The following EIF4G3 variants were observed in gnomAD, a reference collection of about 807,000 sequenced individuals.
The protein encoded by EIF4G3 is eIF-4-gamma 3.
A neutral mutation model predicts 186.4 loss-of-function variants in EIF4G3; 34 were observed. That is an observed-to-expected ratio of 0.18 (90% CI 0.14 to 0.24). The LOEUF (loss-of-function observed/expected upper bound fraction) is 0.24, where lower values mean the gene tolerates loss of function less well. Ranked by LOEUF, EIF4G3 falls within the 10% of genes least tolerant of loss-of-function variation. The pLI is 1.00. For missense variants in EIF4G3, 1,536 were observed against 1,948.5 expected (o/e 0.79, Z 3.99); for synonymous variants, 673 against 679.5 (o/e 0.99, Z 0.15).
At chr1:21,166,843 G>A (rs1334534243) in intron 2 of EIF4G3, among the ~76,000 whole-genome samples, 1 of 152,046 alleles carries the variant, frequency 6.6e-6, no homozygotes, top group Non-Finnish European at 1.5e-5. Context: ...GTGCAGCAGT[G>A]CAATCATGGC....
intron 3 of EIF4G3, among the ~76,000 whole-genome samples, chr1:21,077,794 C>A (rs532693533): frequency 1.8e-3 from 279 of 151,216 alleles, no homozygotes; most frequent in Non-Finnish European, 3.2e-3. Context: ...GCAGGAGAAT[C>A]GCTTGAACCC....
At chr1:20,935,115 A>G (rs2095476654) in intron 14 of EIF4G3, among the ~76,000 whole-genome samples, 1 of 152,144 alleles carries the variant, frequency 6.6e-6, no homozygotes, top group African/African-American at 2.4e-5. Context: ...AGCATAAAGT[A>G]TAACTGTCAA....
At chr1:21,153,177 T>C (rs1387880611) in intron 2 of EIF4G3, among the ~76,000 whole-genome samples, 1 of 152,196 alleles carries the variant, frequency 6.6e-6, no homozygotes, top group Non-Finnish European at 1.5e-5. Context: ...CTGCCCCTAG[T>C]AGCTTTCGGC....
intron 4 of EIF4G3, among the ~76,000 whole-genome samples, chr1:21,030,883 G>T (rs116133464): frequency 7.9e-5 from 12 of 152,226 alleles, no homozygotes; most frequent in African/African-American, 2.9e-4. Flanking sequence ...GGGAGGCAAA[G>T]AATGGGAAGA....
At chr1:21,157,165 C>T (rs549633604) in intron 2 of EIF4G3, among the ~76,000 whole-genome samples, 32 of 152,148 alleles carry the variant, frequency 2.1e-4, no homozygotes, top group Non-Finnish European at 4.4e-4. Context: ...AGTGGATCTT[C>T]GGACTACCCC....
chr1:20,857,516 G>A lies in EIF4G3; in HGVS notation c.3245-19C>T. On this transcript the variant is annotated intron_variant, in intron 24 of 36. Coordinates refer to ENST00000602326, the MANE Select transcript of EIF4G3 (RefSeq NM_001391906.1). ...TGGACACCTGCAGGGAGAACAGAGTGGGAGTCTCTCATCTGTCTCAAGTCA... is the reference window on the plus strand; with the variant it reads ...TGGACACCTGCAGGGAGAACAGAGTAGGAGTCTCTCATCTGTCTCAAGTCA... 6.3e-7 allele frequency: 1 copy of A among 1,592,224 alleles called. No homozygotes were observed. Among genetic ancestry groups the A allele is most frequent in the Non-Finnish European group, 8.6e-7 (1 of 1,160,110 alleles).
chr1:21,088,620 G>A (rs187673854), intron 3 of EIF4G3, among the ~76,000 whole-genome samples: 146 of 152,066 alleles, frequency 9.6e-4, no homozygotes, highest in African/African-American at 3.3e-3. Context: ...ATCCCAGCAC[G>A]TTGGGAGGCC....
chr1:21,121,149 T>C (rs890762820), intron 2 of EIF4G3, among the ~76,000 whole-genome samples: 6 of 151,906 alleles, frequency 3.9e-5, no homozygotes, highest in Admixed American at 3.3e-4. Context: ...AATTCCTGAG[T>C]CTCCCAAAGT....
At chr1:21,117,649 G>C (rs1042904138) in intron 2 of EIF4G3, among the ~76,000 whole-genome samples, 5 of 146,812 alleles carry the variant, frequency 3.4e-5, no homozygotes, top group Middle Eastern at 3.6e-3. Context: ...CAAAAGCCCT[G>C]TACACTGGGT....
chr1:20,975,749 G>A (rs2076731449), intron 10 of EIF4G3, among the ~76,000 whole-genome samples: 1 of 151,716 alleles, frequency 6.6e-6, no homozygotes, highest in Non-Finnish European at 1.5e-5. Flanking sequence ...TAATGTCTCT[G>A]GACCTCAAAT....
At chr1:20,906,035 A>T (rs1296154017) in intron 14 of EIF4G3, among the ~76,000 whole-genome samples, 1 of 152,080 alleles carries the variant, frequency 6.6e-6, no homozygotes, top group Non-Finnish European at 1.5e-5. Context: ...TTTAATATTA[A>T]TTTTTTTCCT....
chr1:20,927,794 C>T (rs2095024550), intron 14 of EIF4G3, among the ~76,000 whole-genome samples: 1 of 152,158 alleles, frequency 6.6e-6, no homozygotes, highest in African/African-American at 2.4e-5. Context: ...TCTGCTTTGC[C>T]GGCCCAACTG....
At chr1:20,882,197 AC>A (rs2082568280) in intron 19 of EIF4G3, among the ~76,000 whole-genome samples, 2 of 151,744 alleles carry the variant, frequency 1.3e-5, no homozygotes, top group East Asian at 1.9e-4. Flanking sequence ...ACACACACAC[AC>A]ACACACACAC....
At chr1:21,060,097 A>G (rs1057311877) in intron 3 of EIF4G3, among the ~76,000 whole-genome samples, 3 of 152,244 alleles carry the variant, frequency 2.0e-5, no homozygotes, top group African/African-American at 7.2e-5. Flanking sequence ...GACTACAGGC[A>G]TGCACTACCA....
intron 12 of EIF4G3, among the ~76,000 whole-genome samples, chr1:20,963,870 C>T (rs970947798): frequency 2.7e-5 from 4 of 147,990 alleles, no homozygotes; most frequent in South Asian, 2.1e-4. Context: ...TGCAGTGAGC[C>T]GAGATTGTGC....
rs776429638 is a variant in EIF4G3 at position 20,893,522 on chromosome 1, C to T, written c.2248G>A (p.Val750Ile). Residue 750 changes from valine (V) to isoleucine (I), a missense_variant, in exon 18 of 37, where the codon GTA becomes ATA. Around this residue, in one of 11 missense-constraint regions of EIF4G3, gnomAD observed 139 missense variants for 192.8 expected, o/e 0.72. Coordinates refer to ENST00000602326, the MANE Select transcript of EIF4G3 (RefSeq NM_001391906.1). ...TGTAGGGAACTTGCACTTACAGGTA[C>T]GCCTCTTCCACCAGGTGTCTGCCTT... is the stretch of plus-strand genomic sequence containing the variant. ...FGRQTPGGRGVPLLNVGSRRS... is the reference protein window; with the variant it reads ...FGRQTPGGRGIPLLNVGSRRS... 14 of 1,598,474 alleles carry T rather than the reference C, an allele frequency of 8.8e-6. No homozygotes were observed. The highest frequency in any genetic ancestry group is 2.2e-5 in the East Asian group (1 of 44,490).
intron 29 of EIF4G3, chr1:20,847,694 T>A: frequency 2.4e-6 from 1 of 422,686 alleles, no homozygotes; most frequent in South Asian, 1.7e-5. Flanking sequence ...TACCCCTAAT[T>A]TTCCAGGAGG....
At chr1:20,935,930 T>TG (rs2095503966) in intron 14 of EIF4G3, among the ~76,000 whole-genome samples, 1 of 152,180 alleles carries the variant, frequency 6.6e-6, no homozygotes, top group Admixed American at 6.5e-5. Context: ...TTACTAAATG[T>TG]GGGGAAAAGG....
chr1:21,102,065 G>A (rs1379938801), intron 2 of EIF4G3, among the ~76,000 whole-genome samples: 1 of 152,156 alleles, frequency 6.6e-6, no homozygotes, highest in Non-Finnish European at 1.5e-5. Flanking sequence ...GAATTCTCAG[G>A]CCTAGAAAGC....
Sources: gnomAD v4.1 joint callset for allele counts (sites outside exome capture counted in the v4.1 genomes callset) on GRCh38, gnomAD v4.1.1 for gene constraint, gnomAD v4.1.1 regional missense constraint, MANE v1.5 for transcripts, NCBI Gene and HGNC (gene_info 2026-07-23, HGNC 2026-07-21) for gene names.